JAM3: variants seen among roughly 807,000 people sequenced by gnomAD.
JAM3 encodes the protein junctional adhesion molecule 3.
In JAM3, 31 loss-of-function variants were observed where a neutral mutation model predicts 39.4. The ratio of observed to expected loss-of-function variants is 0.79; its 90% CI spans 0.59 to 1.06. JAM3 has a LOEUF of 1.06. Ranked by LOEUF, JAM3 falls within the 50% of genes least tolerant of loss-of-function variation. The probability of loss-of-function intolerance (pLI) is 0.00; values close to 1 mark genes in which losing one functional copy is unlikely to be tolerated. For synonymous variants in JAM3, 182 were observed against 148.7 expected (o/e 1.22, Z -1.63); for missense variants, 455 against 391.4 (o/e 1.16, Z -1.37).
At position 134,123,865 on chromosome 11, in the gene JAM3, A is replaced by G. The variant is rs528934783; in HGVS notation, c.77-15986A>G. The G allele has an allele frequency of 1.3e-4, 111 of 843,872 alleles. No individual in the cohort carries two copies. The African/African-American group carries it at 1.6e-3, about 12-fold the overall frequency. The allele number at this position is 843,872 out of a possible 1,614,324, so 52.3% of individuals were successfully genotyped here. ...TGCCCGTTGGTATCTCTGAAGCGTA[A>G]TCACATCTTAGGTCAGTATTTCTCC... On this transcript the variant is annotated intron_variant, in intron 1 of 8. Coordinates refer to ENST00000299106, the MANE Select transcript of JAM3 (RefSeq NM_032801.5).
chr11:134,134,010 CAT>C (rs1942815661), intron 1 of JAM3, among the ~76,000 whole-genome samples: 1 of 145,998 alleles, frequency 6.8e-6, no homozygotes, highest in African/African-American at 2.8e-5. Flanking sequence ...AAGTAGATAA[CAT>C]AAGTAGATAA....
intron 1 of JAM3, among the ~76,000 whole-genome samples, chr11:134,134,801 AG>A (rs1942833319): frequency 6.6e-6 from 1 of 152,168 alleles, no homozygotes; most frequent in South Asian, 2.1e-4. Flanking sequence ...TCTTCTTTGG[AG>A]GCATGTCTAT....
At chr11:134,147,778 G>C (rs545568623) in intron 6 of JAM3, 2 of 152,456 alleles carry the variant, frequency 1.3e-5, no homozygotes, top group South Asian at 4.1e-4. Context: ...GAGCCACCGC[G>C]CCCGGCCTGC....
At chr11:134,078,450 C>T (rs566234028) in intron 1 of JAM3, among the ~76,000 whole-genome samples, 1 of 152,312 alleles carries the variant, frequency 6.6e-6, no homozygotes, top group East Asian at 1.9e-4. Context: ...CCTTTGCTCT[C>T]AGTTTAACAC....
intron 1 of JAM3, among the ~76,000 whole-genome samples, chr11:134,135,151 C>A (rs1465355138): frequency 2.6e-5 from 4 of 152,104 alleles, no homozygotes; most frequent in Admixed American, 1.3e-4. Context: ...AGTTTTAGCT[C>A]TTAAATTTAG....
chr11:134,115,939 A>G (rs901018784), intron 1 of JAM3, among the ~76,000 whole-genome samples: 2 of 152,170 alleles, frequency 1.3e-5, no homozygotes, highest in African/African-American at 4.8e-5. Flanking sequence ...TAGATACCAT[A>G]AAAGTGCAGT....
intron 1 of JAM3, among the ~76,000 whole-genome samples, chr11:134,101,692 C>T (rs1186930052): frequency 6.6e-6 from 1 of 152,172 alleles, no homozygotes; most frequent in African/African-American, 2.4e-5. Context: ...AAAAACAAAT[C>T]TGATCATATT....
chr11:134,082,019 T>G (rs1341447955), intron 1 of JAM3, among the ~76,000 whole-genome samples: 1 of 152,248 alleles, frequency 6.6e-6, no homozygotes, highest in Non-Finnish European at 1.5e-5. Context: ...CCTTGTTGGA[T>G]TTCAGACTTG....
Position 134,145,953 on chromosome 11 carries a change from C to A in JAM3, c.620C>A (p.Thr207Asn). The part of the protein sequence containing the change: ...LNSETGTLVF[T>N]AVHKDDSGQY... Reference sequence around the variant, plus strand: ...TGTCATTCCCTGAAACAGGTGTTCACTGCTGTTCACAAGGACGACTCTGGG... The same window carrying A: ...TGTCATTCCCTGAAACAGGTGTTCAATGCTGTTCACAAGGACGACTCTGGG... The change falls in exon 6 of 9, where the codon ACT becomes AAT. Residue 207 changes from threonine to asparagine, a missense_variant. By Grantham distance (65) the Thr-to-Asn change is moderately conservative. Coordinates refer to ENST00000299106, the MANE Select transcript of JAM3 (RefSeq NM_032801.5). 6.2e-7 allele frequency: 1 copy of A among 1,611,624 alleles called. No homozygotes were observed. Among genetic ancestry groups the A allele is most frequent in the Non-Finnish European group, 8.5e-7 (1 of 1,177,696 alleles).
chr11:134,136,034 C>T (rs964466042), intron 1 of JAM3, among the ~76,000 whole-genome samples: 11 of 152,086 alleles, frequency 7.2e-5, no homozygotes, highest in African/African-American at 2.7e-4. Flanking sequence ...CACACCATTG[C>T]ACTCCAGCCT....
intron 1 of JAM3, among the ~76,000 whole-genome samples, chr11:134,093,172 A>T (rs1941905542): frequency 8.1e-6 from 1 of 123,836 alleles, no homozygotes; most frequent in South Asian, 2.8e-4. Context: ...TTCCTGAGGG[A>T]AGCTTCTCCT....
chr11:134,126,785 C>T (rs1429138422), intron 1 of JAM3, among the ~76,000 whole-genome samples: 5 of 152,326 alleles, frequency 3.3e-5, no homozygotes, highest in Admixed American at 1.3e-4. Flanking sequence ...GTAAAACTGT[C>T]TTCTGTCTAA....
At chr11:134,145,092 G>C in intron 5 of JAM3, 98 bp downstream of exon 5, 2 of 1,016,474 alleles carry the variant, frequency 2.0e-6, no homozygotes, top group Admixed American at 1.9e-5. Context: ...GAAACTTCTT[G>C]ATAAGACAGG....
At chr11:134,108,999 C>T (rs540202454) in intron 1 of JAM3, among the ~76,000 whole-genome samples, 48 of 152,124 alleles carry the variant, frequency 3.2e-4, no homozygotes, top group African/African-American at 1.0e-3. Context: ...TTCTATCTCC[C>T]GGGCTGGAGT....
chr11:134,146,941 G>T (rs903892930), intron 6 of JAM3, among the ~76,000 whole-genome samples: 2 of 152,134 alleles, frequency 1.3e-5, no homozygotes, highest in Admixed American at 1.3e-4. Flanking sequence ...AAACTGCCTG[G>T]TGATACCCAT....
intron 1 of JAM3, among the ~76,000 whole-genome samples, chr11:134,120,856 T>C (rs1435294963): frequency 6.6e-6 from 1 of 152,240 alleles, no homozygotes; most frequent in East Asian, 1.9e-4. Context: ...TCAATATCTG[T>C]TATGGCTTAA....
At chr11:134,132,129 C>T (rs1942781435) in intron 1 of JAM3, among the ~76,000 whole-genome samples, 1 of 152,152 alleles carries the variant, frequency 6.6e-6, no homozygotes, top group African/African-American at 2.4e-5. Flanking sequence ...GAGACTCACA[C>T]TGAGACACAT....
intron 1 of JAM3, among the ~76,000 whole-genome samples, chr11:134,091,367 C>G: frequency 6.6e-6 from 1 of 152,132 alleles, no homozygotes; most frequent in East Asian, 1.9e-4. Flanking sequence ...TGGTGGCACG[C>G]GCCTGTAGTC....
chr11:134,110,382 C>A (rs1006348321), intron 1 of JAM3, among the ~76,000 whole-genome samples: 1 of 152,154 alleles, frequency 6.6e-6, no homozygotes. Context: ...CATCTAAAAA[C>A]TGGAAATAAC....
Sources: allele counts gnomAD v4.1 joint callset (sites outside exome capture counted in the v4.1 genomes callset), GRCh38; gene constraint gnomAD v4.1.1; transcripts MANE v1.5; gene names NCBI Gene and HGNC (gene_info 2026-07-23, HGNC 2026-07-21).